Variants in PARD3 observed in about 807,000 individuals in gnomAD.
PARD3 encodes par-3 family cell polarity regulator, also known as partitioning defective 3 homolog.
A neutral mutation model predicts 155.4 loss-of-function variants in PARD3; 75 were observed. The observed-to-expected ratio is 0.48, with a 90% confidence interval of 0.40 to 0.58. PARD3 has a LOEUF of 0.58. PARD3 is among the 20% of genes least tolerant of loss of function. The pLI is 0.00. For synonymous variants in PARD3, 576 were observed against 610.5 expected (o/e 0.94, Z 0.83); for missense variants, 1,642 against 1,721.7 (o/e 0.95, Z 0.82).
At position 34,111,304 on chromosome 10, in the gene PARD3, C is replaced by T. The variant is rs552226789; in HGVS notation, c.3927G>A (p.Ser1309=). 37 of 1,614,036 alleles carry T rather than the reference C, an allele frequency of 2.3e-5. No homozygotes were observed. Among genetic ancestry groups the T allele is most frequent in the Admixed American group, 8.3e-5 (5 of 60,010 alleles). ...AACTGGGGTCCTGGACTTTCTTATA[C>T]GAGTCATAGTTGCTGGGCCCCTCGG... is the stretch of plus-strand genomic sequence containing the variant. ...PPSEGPSNYD[S]YKKVQDPSYA... Residue 1309 remains serine, a synonymous_variant, in exon 25 of 25, where the codon TCG becomes TCA. Transcript: ENST00000374788.
intron 22 of PARD3, among the ~76,000 whole-genome samples, chr10:34,167,641 C>T (rs1400600098): frequency 1.3e-5 from 2 of 151,726 alleles, no homozygotes; most frequent in African/African-American, 4.9e-5. Context: ...AATATGAGAA[C>T]GCATATGGAA....
At chr10:34,438,128 C>A (rs142260109) in intron 5 of PARD3, among the ~76,000 whole-genome samples, 60 of 152,280 alleles carry the variant, frequency 3.9e-4, no homozygotes, top group African/African-American at 1.4e-3. Context: ...TACAGGCCAG[C>A]GGGGACAGAC....
chr10:34,392,281 GAA>G (rs148778773), intron 7 of PARD3, among the ~76,000 whole-genome samples: 10,237 of 152,106 alleles, frequency 0.067, 458 homozygotes, highest in Non-Finnish European at 0.096. Context: ...ATAAAGAGGG[GAA>G]AAGTCATAAA....
intron 2 of PARD3, among the ~76,000 whole-genome samples, chr10:34,640,737 G>A (rs1241030312): frequency 0.022 from 422 of 19,366 alleles, no homozygotes; most frequent in Non-Finnish European, 0.038. Flanking sequence ...AAAAAAAAAA[G>A]CACTTTTAGG....
In PARD3 at chr10:34,359,235, T is replaced by C; in HGVS notation, c.1979A>G (p.Glu660Gly). The C allele has an allele frequency of 3.1e-6, 5 of 1,613,820 alleles. No individual in the cohort carries two copies. Among genetic ancestry groups the C allele is most frequent in the Non-Finnish European group, 4.2e-6 (5 of 1,179,718 alleles). The change falls in exon 14 of 25, where the codon GAA (glutamate) becomes GGA (glycine). Residue 660 changes from glutamate (E) to glycine (G), a missense_variant. This residue lies in a region of PARD3 where 1,529 missense variants were observed against 1,587.3 expected (regional missense o/e 0.96). Transcript: ENST00000374788. ...AGTAGACATAGACCTTCTTAGGGTT[T>C]CCATGGCATCTTGGTTTGTCTTGCC... ...LLGKTNQDAM[E>G]TLRRSMSTEG...
At chr10:34,550,617 T>C (rs140142287) in intron 2 of PARD3, among the ~76,000 whole-genome samples, 48 of 152,294 alleles carry the variant, frequency 3.2e-4, no homozygotes, top group African/African-American at 9.4e-4. Context: ...AAGGAAATCA[T>C]TGTTCACAGA....
chr10:34,216,242 T>C (rs1027080869), intron 22 of PARD3, among the ~76,000 whole-genome samples: 12 of 152,208 alleles, frequency 7.9e-5, no homozygotes, highest in African/African-American at 2.9e-4. Flanking sequence ...AAGTGGGATA[T>C]ACCACTTTAA....
intron 2 of PARD3, among the ~76,000 whole-genome samples, chr10:34,616,156 A>G (rs2091239777): frequency 6.6e-6 from 1 of 152,122 alleles, no homozygotes; most frequent in Non-Finnish European, 1.5e-5. Flanking sequence ...GTCTCTACTA[A>G]AAATACAAAA....
chr10:34,230,036 G>A (rs1257081590), intron 22 of PARD3, among the ~76,000 whole-genome samples: 4 of 152,098 alleles, frequency 2.6e-5, no homozygotes, highest in Non-Finnish European at 4.4e-5. Context: ...GCAGCAATGA[G>A]GTGCGACAGA....
At chr10:34,752,537 G>GA (rs111662023) in intron 1 of PARD3, among the ~76,000 whole-genome samples, 4,997 of 136,626 alleles carry the variant, frequency 0.037, 226 homozygotes, top group African/African-American at 0.11. Context: ...CTTGTGGGGA[G>GA]AAAAAAAAAA....
At chr10:34,810,179 C>T (rs571501529) in intron 1 of PARD3, among the ~76,000 whole-genome samples, 6 of 152,272 alleles carry the variant, frequency 3.9e-5, no homozygotes, top group South Asian at 4.1e-4. Flanking sequence ...ACCCACATGA[C>T]GCCACACCTG....
chr10:34,253,487 G>T (rs933068959), intron 22 of PARD3, among the ~76,000 whole-genome samples: 2 of 152,180 alleles, frequency 1.3e-5, no homozygotes, highest in Non-Finnish European at 2.9e-5. Flanking sequence ...ACCACCCACA[G>T]TGATGAGCCA....
intron 3 of PARD3, among the ~76,000 whole-genome samples, chr10:34,478,032 T>C (rs1171278936): frequency 6.6e-6 from 1 of 152,240 alleles, no homozygotes; most frequent in Non-Finnish European, 1.5e-5. Context: ...TATTTATCCA[T>C]ACTTCATTTA....
At chr10:34,341,409 T>C (rs1048252333) in intron 16 of PARD3, among the ~76,000 whole-genome samples, 1 of 152,226 alleles carries the variant, frequency 6.6e-6, no homozygotes, top group Non-Finnish European at 1.5e-5. Context: ...AGTTTTGTCA[T>C]TGTTTTGGTT....
At chr10:34,454,307 T>A (rs1304636964) in intron 4 of PARD3, among the ~76,000 whole-genome samples, 4 of 152,092 alleles carry the variant, frequency 2.6e-5, no homozygotes, top group Non-Finnish European at 5.9e-5. Context: ...TGGAAAGATA[T>A]CCATAAACAT....
intron 22 of PARD3, among the ~76,000 whole-genome samples, chr10:34,181,670 T>C (rs1264051840): frequency 6.6e-6 from 1 of 152,088 alleles, no homozygotes; most frequent in Non-Finnish European, 1.5e-5. Flanking sequence ...CTCCTGCTTG[T>C]AACAGCAACA....
chr10:34,475,520 T>C (rs1366641201), intron 3 of PARD3, among the ~76,000 whole-genome samples: 3 of 152,368 alleles, frequency 2.0e-5, no homozygotes, highest in East Asian at 1.9e-4. Context: ...ACAATGTGAA[T>C]GTGAAGTTTT....
chr10:34,479,136 G>A (rs956085951), intron 3 of PARD3, among the ~76,000 whole-genome samples: 1 of 151,072 alleles, frequency 6.6e-6, no homozygotes, highest in African/African-American at 2.4e-5. Context: ...ACCTGCATCA[G>A]ATTCTATGAT....
chr10:34,551,515 C>G (rs1402801129), intron 2 of PARD3, among the ~76,000 whole-genome samples: 1 of 152,196 alleles, frequency 6.6e-6, no homozygotes, highest in Admixed American at 6.5e-5. Context: ...CCAATTGCAA[C>G]AGCCCTTGGG....
Sources: gnomAD v4.1 joint callset for allele counts (sites outside exome capture counted in the v4.1 genomes callset) on GRCh38, gnomAD v4.1.1 for gene constraint, gnomAD v4.1.1 regional missense constraint, MANE v1.5 for transcripts, NCBI Gene and HGNC (gene_info 2026-07-23, HGNC 2026-07-21) for gene names.